The following GEN1 variants were observed in gnomAD, a reference collection of about 807,000 sequenced individuals.
The protein encoded by GEN1 is GEN1 structure-specific endonuclease.
In GEN1, 64 loss-of-function variants were observed where a neutral mutation model predicts 67.6. The ratio of observed to expected loss-of-function variants is 0.95; its 90% CI spans 0.77 to 1.17. The LOEUF (loss-of-function observed/expected upper bound fraction) is 1.17, where lower values mean the gene tolerates loss of function less well. GEN1 is among the 50% of genes most tolerant of loss of function. The probability of loss-of-function intolerance (pLI) is 0.00; values close to 1 mark genes in which losing one functional copy is unlikely to be tolerated. For missense variants in GEN1, 1,058 were observed against 1,048.3 expected (o/e 1.01, Z -0.13); for synonymous variants, 371 against 359.4 (o/e 1.03, Z -0.37).
At chr2:17,762,630 A>G (rs1194785569) in intron 3 of GEN1, among the ~76,000 whole-genome samples, 1 of 152,186 alleles carries the variant, frequency 6.6e-6, no homozygotes, top group Non-Finnish European at 1.5e-5. Context: ...ATTCTAATCA[A>G]AATCATAACT....
At chr2:17,774,522 A>G in intron 11 of GEN1, 121 bp downstream of exon 11, 1 of 675,554 alleles carries the variant, frequency 1.5e-6, no homozygotes, top group Non-Finnish European at 2.4e-6. Flanking sequence ...CTGGAATATT[A>G]AAAGCTTATT....
rs1009329959 is a variant in GEN1 at position 17,788,012 on chromosome 2, T to G, written c.*6073T>G. 6.6e-6 allele frequency: 1 copy of G among 152,218 alleles called. No individual in the cohort carries two copies. The highest frequency in any genetic ancestry group is 2.1e-4 in the South Asian group (1 of 4,830). 9.4% of individuals were successfully genotyped at this position (152,218 alleles called of 1,614,324 possible). A position where few individuals can be genotyped will look rare whatever the true frequency, so the allele number is the denominator to read the frequency against. On this transcript the variant is annotated 3_prime_UTR_variant, in exon 14 of 14. Coordinates refer to ENST00000381254, the MANE Select transcript of GEN1 (RefSeq NM_001130009.3). ...AGGGTCTTAGTTCTAAATTTCTCTG[T>G]GGAGAGAGACCAAATCTAACCGGGT...
chr2:17,776,115 CA>C (rs34705905), intron 11 of GEN1, among the ~76,000 whole-genome samples: 32,211 of 80,806 alleles, frequency 0.4, 2,890 homozygotes, highest in East Asian at 0.67. Flanking sequence ...GACCCTGTCT[CA>C]AAAAAAAAAA....
intron 12 of GEN1, 90 bp from the exon 13 acceptor site, chr2:17,779,888 G>A: frequency 3.8e-6 from 4 of 1,049,708 alleles, no homozygotes; most frequent in South Asian, 1.5e-5. Flanking sequence ...CCAAAATGCT[G>A]GGATTACAGG....
Position 17,783,371 on chromosome 2 carries a change from C to T in GEN1, c.*1432C>T, listed in dbSNP as rs1672933978. 6.6e-6 allele frequency: 1 copy of T among 152,118 alleles called. No individual in the cohort carries two copies. The highest frequency in any genetic ancestry group is 1.5e-5 in the Non-Finnish European group (1 of 68,026). The allele number at this position is 152,118 out of a possible 1,614,324, so 9.4% of individuals were successfully genotyped here. A position where few individuals can be genotyped will look rare whatever the true frequency, so the allele number is the denominator to read the frequency against. On this transcript the variant is annotated 3_prime_UTR_variant, in exon 14 of 14. Coordinates refer to ENST00000381254, the MANE Select transcript of GEN1 (RefSeq NM_001130009.3). ...ACCATACTCAGCCTCAATTGTATTT[C>T]TGTACACCTCTAAATAAATGGAAAT...
intron 11 of GEN1, among the ~76,000 whole-genome samples, chr2:17,777,455 A>G (rs1672487942): frequency 6.6e-6 from 1 of 152,206 alleles, no homozygotes; most frequent in Non-Finnish European, 1.5e-5. Context: ...TCAAACCAAA[A>G]TAATACAGGC....
intron 6 of GEN1, among the ~76,000 whole-genome samples, chr2:17,770,625 A>G (rs997927105): frequency 8.5e-5 from 13 of 152,240 alleles, no homozygotes; most frequent in African/African-American, 2.9e-4. Context: ...TCTTTATAGT[A>G]CTATACATTT....
At chr2:17,765,709 A>C (rs1463367078) in intron 4 of GEN1, among the ~76,000 whole-genome samples, 1 of 152,246 alleles carries the variant, frequency 6.6e-6, no homozygotes, top group Non-Finnish European at 1.5e-5. Flanking sequence ...AGTCCATATG[A>C]TGTAATACAG....
intron 10 of GEN1, 26 bp from the exon 11 acceptor site, chr2:17,774,245 T>C: frequency 7.4e-7 from 1 of 1,348,610 alleles, no homozygotes; most frequent in Non-Finnish European, 1.0e-6. Context: ...TAACAAAATC[T>C]TGTTTTATTT....
rs1362867180 is a variant in GEN1, at chr2:17,781,923, G to C, written c.2711G>C (p.Arg904Thr). 1 of 1,550,700 alleles carries C rather than the reference G, an allele frequency of 6.4e-7. No homozygotes were observed. The highest frequency in any genetic ancestry group is 1.2e-5 in the South Asian group (1 of 81,068). Residue 904 changes from arginine (R) to threonine (T), a missense_variant, in exon 14 of 14, where the codon AGA becomes ACA. By Grantham distance (71) the Arg-to-Thr change is moderately conservative. Transcript: ENST00000381254. ...CCTTTACGCCAGAGATTAAAACTAA[G>C]ATTCCAAAGCACTTGAAATTTAAAA... ...PLPLRQRLKL[R>T]FQST
rs767524066 is a variant in GEN1, at chr2:17,773,255, G to T, written c.1027G>T (p.Val343Leu). The T allele has an allele frequency of 1.2e-6, 2 of 1,602,520 alleles. No homozygotes were observed. The highest frequency in any genetic ancestry group is 1.7e-5 in the Admixed American group (1 of 59,366). Residue 343 changes from valine to leucine, a missense_variant, in exon 10 of 14, where the codon GTG becomes TTG. By Grantham distance (32) the Val-to-Leu change is conservative. Transcript: ENST00000381254. ...QEFLLNKDKLVKVIRYQRPDL... is the reference protein window; with the variant it reads ...QEFLLNKDKLLKVIRYQRPDL... ...ATTCCTTTTAAACAAGGATAAATTG[G>T]TGAAGGTTATCAGGTACCAAAGACC...
intron 7 of GEN1, 44 bp from the exon 8 acceptor site, chr2:17,772,590 A>T (rs750088839): frequency 2.6e-5 from 40 of 1,547,616 alleles, no homozygotes; most frequent in Admixed American, 1.0e-4. Context: ...GAAAGTAATT[A>T]TAAAAGGCAA....
At chr2:17,764,428 A>C (rs1671827954) in intron 3 of GEN1, among the ~76,000 whole-genome samples, 1 of 152,264 alleles carries the variant, frequency 6.6e-6, no homozygotes, top group East Asian at 1.9e-4. Context: ...TATAATAGCA[A>C]TGAAATGTGA....
chr2:17,768,618 C>CTA, intron 5 of GEN1, 120 bp from the exon 6 acceptor site: 1 of 677,034 alleles, frequency 1.5e-6, no homozygotes, highest in Non-Finnish European at 2.5e-6. Flanking sequence ...ATATCTTTTC[C>CTA]TATCTTTATT....
Position 17,788,219 on chromosome 2 carries a change from A to G in GEN1, c.*6280A>G, listed in dbSNP as rs997066097. On this transcript the variant is annotated 3_prime_UTR_variant, in exon 14 of 14. Transcript: ENST00000381254. The stretch of plus-strand genomic sequence containing the variant: ...CTTTCATCTATATATTAACGTGGCA[A>G]TGTTTATCACCTTCTTAACCAAGCA... 2.0e-5 allele frequency: 3 copies of G among 152,238 alleles called. No individual in the cohort carries two copies. The highest frequency in any genetic ancestry group is 7.2e-5 in the African/African-American group (3 of 41,468). 9.4% of individuals were successfully genotyped at this position (152,238 alleles called of 1,614,324 possible). A position where few individuals can be genotyped will look rare whatever the true frequency, so the allele number is the denominator to read the frequency against.
rs767894499 is a variant in GEN1, at chr2:17,765,091, CTT to C, written c.525+22_525+23del. On this transcript the variant is annotated intron_variant, in intron 4 of 13. Transcript: ENST00000381254. ...ATACAAAGGTGTTTATTTTCTTTCTCTTTTTCAGCATTTGTTTACGAACTACC... is the reference window on the plus strand; with the variant it reads ...ATACAAAGGTGTTTATTTTCTTTCTCTTTCAGCATTTGTTTACGAACTACC... 37 of 1,610,442 alleles carry C rather than the reference CTT, an allele frequency of 2.3e-5. 1 individual carries two copies. The African/African-American group carries it at 4.0e-4, about 17-fold the overall frequency.
chr2:17,774,165 C>G (rs1572410488), intron 10 of GEN1, 106 bp from the exon 11 acceptor site: 1 of 506,692 alleles, frequency 2.0e-6, no homozygotes, highest in African/African-American at 2.0e-5. Flanking sequence ...ATTGATACTA[C>G]TTTAACTTAC....
At chr2:17,753,839 G>A (rs1203027786), upstream of GEN1, 2 of 151,574 alleles carry the variant, frequency 1.3e-5, no homozygotes, top group Non-Finnish European at 2.9e-5. Context: ...CCCTCCCTTC[G>A]GGCTCCGCCC....
chr2:17,762,204 T>G (rs986298185), intron 3 of GEN1, among the ~76,000 whole-genome samples: 6 of 129,132 alleles, frequency 4.6e-5, no homozygotes, highest in Non-Finnish European at 6.6e-5. Context: ...TTTTTGGTTG[T>G]TTTTTTTTTT....
Sources: allele counts gnomAD v4.1 joint callset (sites outside exome capture counted in the v4.1 genomes callset), GRCh38; gene constraint gnomAD v4.1.1; transcripts MANE v1.5; gene names NCBI Gene and HGNC (gene_info 2026-07-23, HGNC 2026-07-21).